The following SRD5A1 variants were observed in gnomAD, a reference collection of about 807,000 sequenced individuals.
The protein encoded by SRD5A1 is 3-oxo-5-alpha-steroid 4-dehydrogenase 1.
In SRD5A1, 22 loss-of-function variants were observed where a neutral mutation model predicts 28.2. The observed-to-expected ratio is 0.78, with a 90% CI of 0.56 to 1.12. SRD5A1 has a LOEUF of 1.12. SRD5A1 is among the 50% of genes most tolerant of loss of function. The pLI, the probability that SRD5A1 is intolerant of heterozygous loss-of-function variation, is 0.00. For missense variants in SRD5A1, 300 were observed against 346.7 expected (o/e 0.87, Z 1.07); for synonymous variants, 151 against 135.0 (o/e 1.12, Z -0.82).
At chr5:6,659,289 A>G (rs1319419412) in intron 3 of SRD5A1, among the ~76,000 whole-genome samples, 1 of 151,382 alleles carries the variant, frequency 6.6e-6, no homozygotes. Context: ...AATTTTTTGT[A>G]TTTTTACTAG....
At chr5:6,635,577 T>TA (rs1404913203) in intron 1 of SRD5A1, among the ~76,000 whole-genome samples, 4 of 152,170 alleles carry the variant, frequency 2.6e-5, no homozygotes, top group Admixed American at 2.0e-4. Flanking sequence ...TCACATGAAT[T>TA]TAGAGCAAAG....
intron 1 of SRD5A1, among the ~76,000 whole-genome samples, chr5:6,634,433 G>A (rs1346680114): frequency 1.3e-5 from 2 of 148,336 alleles, no homozygotes; most frequent in East Asian, 4.1e-4. Context: ...GGGGGGAGGG[G>A]GTTGGCCTAG....
chr5:6,634,787 A>G (rs899328616), intron 1 of SRD5A1, among the ~76,000 whole-genome samples: 1 of 152,228 alleles, frequency 6.6e-6, no homozygotes, highest in Non-Finnish European at 1.5e-5. Context: ...GAAATCTTCA[A>G]GCCTTCTAAT....
chr5:6,650,475 C>A (rs529429403), intron 1 of SRD5A1, among the ~76,000 whole-genome samples: 4 of 151,544 alleles, frequency 2.6e-5, no homozygotes, highest in Non-Finnish European at 4.4e-5. Flanking sequence ...AGTGATGTCC[C>A]CTCTTTCAAT....
rs113313301 is a variant in SRD5A1 at position 6,658,532 on chromosome 5, A to G, written c.562+2353A>G. Among the ~76,000 whole-genome samples, 644 of 152,304 alleles carry G rather than the reference A, an allele frequency of 4.2e-3. 5 individuals carry two copies. The highest frequency in any genetic ancestry group is 0.015 in the African/African-American group (613 of 41,556). On this transcript the variant is annotated intron_variant, in intron 3 of 4. Coordinates refer to ENST00000274192, the MANE Select transcript of SRD5A1 (RefSeq NM_001047.4). Reference sequence around the variant, plus strand: ...GCTTCCTGACGGCCTGTGGCCATCAATGGCATCTCTGTGAACAGACAGGCC... The same window carrying G: ...GCTTCCTGACGGCCTGTGGCCATCAGTGGCATCTCTGTGAACAGACAGGCC...
intron 4 of SRD5A1, among the ~76,000 whole-genome samples, chr5:6,667,973 A>G (rs183253642): frequency 6.6e-6 from 1 of 152,366 alleles, no homozygotes; most frequent in Admixed American, 6.5e-5. Context: ...CCAGATAGAA[A>G]GGTGAATTCT....
intron 1 of SRD5A1, among the ~76,000 whole-genome samples, chr5:6,641,573 A>G (rs983457462): frequency 1.1e-4 from 17 of 152,162 alleles, no homozygotes; most frequent in Non-Finnish European, 2.4e-4. Context: ...TGTTGACTTC[A>G]GCGGTTTTAT....
chr5:6,634,952 C>T (rs1411292657), intron 1 of SRD5A1, among the ~76,000 whole-genome samples: 2 of 152,242 alleles, frequency 1.3e-5, no homozygotes, highest in Non-Finnish European at 2.9e-5. Flanking sequence ...GGAAGTTGAA[C>T]TCACTGGCTG....
Position 6,652,907 on chromosome 5 carries a change from T to C in SRD5A1, c.460+899T>C, listed in dbSNP as rs796974997. ...AAAAAAAAAAAACTCAGGGATCTTA[T>C]ATATAAGAAAGGTTCTTCTATATAT... is the stretch of plus-strand genomic sequence containing the variant. On this transcript the variant is annotated intron_variant, in intron 2 of 4. Transcript: ENST00000274192. Among the ~76,000 whole-genome samples the C allele has an allele frequency of 2.0e-5, 3 of 151,240 alleles. No homozygotes were observed. In the South Asian group the frequency reaches 6.3e-4, roughly 32 times the overall value.
In SRD5A1 at chr5:6,668,343, A is replaced by T; in HGVS notation, c.*75A>T. On this transcript the variant is annotated 3_prime_UTR_variant, in exon 5 of 5. Transcript: ENST00000274192. ...TCTCTATGGACTTTGTAAATAAGTT[A>T]TATCTTTGTAATTTTCCTGCTACTT... 1 of 911,496 alleles carries T rather than the reference A, an allele frequency of 1.1e-6. No homozygotes were observed. The highest frequency in any genetic ancestry group is 1.7e-5 in the South Asian group (1 of 57,328). 56.5% of individuals were successfully genotyped at this position (911,496 alleles called of 1,614,324 possible).
rs1739340892 is a variant in SRD5A1, at chr5:6,670,851, T to A, written c.*2583T>A. 1 of 152,218 alleles carries A rather than the reference T, an allele frequency of 6.6e-6. No homozygotes were observed. The allele number at this position is 152,218 out of a possible 1,614,324, so 9.4% of individuals were successfully genotyped here. On this transcript the variant is annotated 3_prime_UTR_variant, in exon 5 of 5. Coordinates refer to ENST00000274192, the MANE Select transcript of SRD5A1 (RefSeq NM_001047.4). ...ATCATTGCAAATACTGCTAATTGAT[T>A]CCTTTTTATGGCTGAGTAGTATTCC...
rs1238392525 is a variant in SRD5A1, at chr5:6,671,064, T to G, written c.*2796T>G. On this transcript the variant is annotated 3_prime_UTR_variant, in exon 5 of 5. Coordinates refer to ENST00000274192, the MANE Select transcript of SRD5A1 (RefSeq NM_001047.4). ...GATCAAATGGTAGTTCTACTTTTAG[T>G]TCTAAGGAATTTCCACACTGTTTTC... The G allele has an allele frequency of 6.6e-6, 1 of 152,208 alleles. No homozygotes were observed. The highest frequency in any genetic ancestry group is 6.5e-5 in the Admixed American group (1 of 15,280). 9.4% of individuals were successfully genotyped at this position (152,208 alleles called of 1,614,324 possible). A position where few individuals can be genotyped will look rare whatever the true frequency, so the allele number is the denominator to read the frequency against.
Position 6,652,851 on chromosome 5 carries a change from G to A in SRD5A1, c.460+843G>A, listed in dbSNP as rs185894789. ...ATTGTGCCACTGCGTTCCAGCCTGG[G>A]TGACAGAGTGAGACTCTGTCTCAAA... is the stretch of plus-strand genomic sequence containing the variant. On this transcript the variant is annotated intron_variant, in intron 2 of 4. Coordinates refer to ENST00000274192, the MANE Select transcript of SRD5A1 (RefSeq NM_001047.4). Among the ~76,000 whole-genome samples the A allele has an allele frequency of 6.2e-4, 89 of 144,446 alleles. 1 individual carries two copies. In the East Asian group the frequency reaches 0.017, roughly 28 times the overall value. The allele number at this position is 144,446 out of a possible 152,430, so 94.8% of individuals were successfully genotyped here.
chr5:6,666,926 G>A (rs1739201815), intron 4 of SRD5A1, among the ~76,000 whole-genome samples: 1 of 152,194 alleles, frequency 6.6e-6, no homozygotes, highest in African/African-American at 2.4e-5. Context: ...TCGGGCCAGG[G>A]TGCCCATCTT....
At chr5:6,644,751 A>T (rs1051150426) in intron 1 of SRD5A1, 2 of 403,274 alleles carry the variant, frequency 5.0e-6, no homozygotes, top group African/African-American at 4.1e-5. Flanking sequence ...GGAGCCTATG[A>T]CAGTCCAAGA....
chr5:6,647,146 T>C (rs1010039569), intron 1 of SRD5A1, among the ~76,000 whole-genome samples: 2 of 152,164 alleles, frequency 1.3e-5, no homozygotes, highest in Non-Finnish European at 2.9e-5. Flanking sequence ...AGAGACTGTT[T>C]GTTATGATTT....
At chr5:6,641,843 A>T (rs1165189598) in intron 1 of SRD5A1, among the ~76,000 whole-genome samples, 2 of 152,240 alleles carry the variant, frequency 1.3e-5, no homozygotes, top group Non-Finnish European at 2.9e-5. Flanking sequence ...GAGCACAGCC[A>T]AACCTAGACC....
In SRD5A1 at chr5:6,656,828, A is replaced by G. The variant is rs555152458; in HGVS notation, c.562+649A>G. ...TTCAACCTGAGTCTCAAAGAACCCA[A>G]TGTGCCACGTTCCACAGAGTAAGAG... On this transcript the variant is annotated intron_variant, in intron 3 of 4. Transcript: ENST00000274192. Among the ~76,000 whole-genome samples the G allele has an allele frequency of 5.3e-5, 8 of 152,194 alleles. No homozygotes were observed. In the South Asian group the frequency reaches 8.3e-4, roughly 16 times the overall value.
rs1191360498 is a variant in SRD5A1 at position 6,673,583 on chromosome 5, G to A, written c.*5315G>A. 6.6e-6 allele frequency: 1 copy of A among 152,204 alleles called. No individual in the cohort carries two copies. The highest frequency in any genetic ancestry group is 1.5e-5 in the Non-Finnish European group (1 of 68,040). 9.4% of individuals were successfully genotyped at this position (152,204 alleles called of 1,614,324 possible). A position where few individuals can be genotyped will look rare whatever the true frequency, so the allele number is the denominator to read the frequency against. ...CAATCTAGTAGATTTGCTCCTAGGTGTTTACCCAAAGGAGTTGAAAACATG... is the reference window on the plus strand; with the variant it reads ...CAATCTAGTAGATTTGCTCCTAGGTATTTACCCAAAGGAGTTGAAAACATG... On this transcript the variant is annotated 3_prime_UTR_variant, in exon 5 of 5. Coordinates refer to ENST00000274192, the MANE Select transcript of SRD5A1 (RefSeq NM_001047.4).
Sources: allele counts gnomAD v4.1 joint callset (sites outside exome capture counted in the v4.1 genomes callset), GRCh38; gene constraint gnomAD v4.1.1; transcripts MANE v1.5; gene names NCBI Gene and HGNC (gene_info 2026-07-23, HGNC 2026-07-21).